APBB2: variants seen among roughly 807,000 people sequenced by gnomAD.
The protein encoded by APBB2 is amyloid beta precursor protein binding family B member 2.
In APBB2, 38 loss-of-function variants were observed where a neutral mutation model predicts 82.5. The observed-to-expected ratio is 0.46, with a 90% CI of 0.36 to 0.60. APBB2 has a LOEUF of 0.60. Among genes scored for constraint, APBB2 ranks in the 20% least tolerant of loss-of-function variants. The pLI is 0.00. For synonymous variants in APBB2, 341 were observed against 368.2 expected (o/e 0.93, Z 0.85); for missense variants, 772 against 972.3 (o/e 0.79, Z 2.74).
chr4:40,883,810 T>C (rs1769415336), intron 12 of APBB2, among the ~76,000 whole-genome samples: 2 of 152,142 alleles, frequency 1.3e-5, no homozygotes, highest in Non-Finnish European at 2.9e-5. Flanking sequence ...ATTACTCAAA[T>C]GTTCCTTCTA....
At chr4:41,140,875 C>A (rs1758928899) in intron 2 of APBB2, among the ~76,000 whole-genome samples, 1 of 152,158 alleles carries the variant, frequency 6.6e-6, no homozygotes, top group African/African-American at 2.4e-5. Flanking sequence ...CAGATGGGAC[C>A]ACCTAGTTGC....
intron 10 of APBB2, among the ~76,000 whole-genome samples, chr4:40,905,600 G>C (rs1776494857): frequency 6.6e-6 from 1 of 152,178 alleles, no homozygotes; most frequent in African/African-American, 2.4e-5. Flanking sequence ...CCCTCTGTTG[G>C]AGAAAGCGCA....
At chr4:40,831,411 CAA>C (rs67741152) in intron 12 of APBB2, among the ~76,000 whole-genome samples, 1 of 142,844 alleles carries the variant, frequency 7.0e-6, no homozygotes, top group Admixed American at 6.9e-5. Context: ...TGAAAAAAAA[CAA>C]AAAAAAAACA....
chr4:41,068,675 T>C (rs976475865), intron 3 of APBB2, among the ~76,000 whole-genome samples: 1 of 152,174 alleles, frequency 6.6e-6, no homozygotes, highest in African/African-American at 2.4e-5. Flanking sequence ...AAAAATACTA[T>C]TATAAGCAAA....
intron 10 of APBB2, among the ~76,000 whole-genome samples, chr4:40,904,427 T>TCAAA (rs1173619648): frequency 7.7e-6 from 1 of 130,590 alleles, no homozygotes; most frequent in Admixed American, 7.6e-5. Flanking sequence ...TGAGACTCCA[T>TCAAA]CAAATAAATA....
At chr4:40,852,509 A>T (rs1759802777) in intron 12 of APBB2, among the ~76,000 whole-genome samples, 1 of 152,212 alleles carries the variant, frequency 6.6e-6, no homozygotes. Context: ...CAAAGGTCTC[A>T]TAACCAGTTG....
At chr4:40,906,144 A>G (rs1237679134) in intron 10 of APBB2, among the ~76,000 whole-genome samples, 3 of 152,152 alleles carry the variant, frequency 2.0e-5, no homozygotes, top group African/African-American at 7.2e-5. Flanking sequence ...CATAGATTCT[A>G]AGTATTCATT....
chr4:41,159,463 T>A (rs1580492600), intron 1 of APBB2, among the ~76,000 whole-genome samples: 1 of 152,130 alleles, frequency 6.6e-6, no homozygotes, highest in South Asian at 2.1e-4. Flanking sequence ...AAGAGATGAG[T>A]ATTAACATTC....
chr4:40,918,624 T>C (rs1780429901), intron 10 of APBB2, among the ~76,000 whole-genome samples: 1 of 152,188 alleles, frequency 6.6e-6, no homozygotes, highest in South Asian at 2.1e-4. Context: ...TCAAGGAGCA[T>C]GCAAAGGAGC....
intron 6 of APBB2, among the ~76,000 whole-genome samples, chr4:40,989,533 T>TAAGGGA (rs1289655838): frequency 0.1 from 5,109 of 49,032 alleles, 126 homozygotes; most frequent in Middle Eastern, 0.21. Flanking sequence ...GAAACTACAT[T>TAAGGGA]TTTTTTTTCC....
At chr4:41,078,518 C>A (rs945652872) in intron 3 of APBB2, among the ~76,000 whole-genome samples, 3 of 152,190 alleles carry the variant, frequency 2.0e-5, no homozygotes, top group African/African-American at 7.2e-5. Flanking sequence ...CTCCTCCTAG[C>A]TAATCCAATT....
intron 4 of APBB2, among the ~76,000 whole-genome samples, chr4:41,063,950 A>ATT (rs11422110): frequency 0.049 from 4,465 of 91,728 alleles, 437 homozygotes; most frequent in East Asian, 0.11. Context: ...AAATGCTGGG[A>ATT]TTTTTTTTTT....
At chr4:41,084,195 C>G (rs1456433795) in intron 3 of APBB2, among the ~76,000 whole-genome samples, 1 of 152,190 alleles carries the variant, frequency 6.6e-6, no homozygotes, top group African/African-American at 2.4e-5. Flanking sequence ...AAGGCCGAGA[C>G]AGGCGGATCA....
intron 3 of APBB2, among the ~76,000 whole-genome samples, chr4:41,089,927 C>T (rs1039542407): frequency 9.2e-5 from 14 of 152,048 alleles, no homozygotes; most frequent in South Asian, 8.3e-4. Flanking sequence ...ACCTGAACAC[C>T]GAAAGCTTTT....
At chr4:41,005,395 G>GA (rs1806420206) in intron 6 of APBB2, among the ~76,000 whole-genome samples, 1 of 148,034 alleles carries the variant, frequency 6.8e-6, no homozygotes, top group Non-Finnish European at 1.5e-5. Flanking sequence ...GCCAACTTAA[G>GA]GGTTTTTTTT....
intron 1 of APBB2, among the ~76,000 whole-genome samples, chr4:41,186,447 G>T (rs1772931286): frequency 6.6e-6 from 1 of 152,174 alleles, no homozygotes; most frequent in African/African-American, 2.4e-5. Flanking sequence ...TTGCAGCTAA[G>T]ACCTTCGGTT....
intron 6 of APBB2, among the ~76,000 whole-genome samples, chr4:41,010,426 T>A (rs1296163914): frequency 6.6e-6 from 1 of 152,138 alleles, no homozygotes; most frequent in Non-Finnish European, 1.5e-5. Flanking sequence ...CCAAGCACTG[T>A]AAGATGTTCT....
At chr4:40,828,743 A>G (rs1750820031) in intron 13 of APBB2, among the ~76,000 whole-genome samples, 1 of 152,226 alleles carries the variant, frequency 6.6e-6, no homozygotes, top group Non-Finnish European at 1.5e-5. Context: ...CGTCTCATCA[A>G]TGCAAGAATG....
At chr4:41,177,780 T>C (rs1383727962) in intron 1 of APBB2, 1 of 152,210 alleles carries the variant, frequency 6.6e-6, no homozygotes, top group Non-Finnish European at 1.5e-5. Flanking sequence ...AAGTATCCCT[T>C]ATCCAAAATG....
Sources: allele counts gnomAD v4.1 joint callset (sites outside exome capture counted in the v4.1 genomes callset), GRCh38; gene constraint gnomAD v4.1.1; transcripts MANE v1.5; gene names NCBI Gene and HGNC (gene_info 2026-07-23, HGNC 2026-07-21).